KLHL32: variants seen among roughly 807,000 people sequenced by gnomAD.
KLHL32 encodes the protein kelch-like protein 32.
Under a neutral mutation model 64.8 loss-of-function variants are expected in KLHL32, and 35 were observed. That is an observed-to-expected ratio of 0.54 (90% CI 0.41 to 0.72). The LOEUF (loss-of-function observed/expected upper bound fraction) is 0.72, where lower values mean the gene tolerates loss of function less well. Ranked by LOEUF, KLHL32 falls within the 30% of genes least tolerant of loss-of-function variation. KLHL32 has a pLI of 0.00. For synonymous variants in KLHL32, 259 were observed against 281.0 expected (o/e 0.92, Z 0.78); for missense variants, 589 against 768.5 (o/e 0.77, Z 2.76).
At chr6:97,067,540 C>T (rs150034938) in intron 5 of KLHL32, among the ~76,000 whole-genome samples, 1 of 152,044 alleles carries the variant, frequency 6.6e-6, no homozygotes, top group African/African-American at 2.4e-5. Flanking sequence ...CTGTGGTAAC[C>T]CATGGCCCCC....
intron 9 of KLHL32, among the ~76,000 whole-genome samples, chr6:97,131,917 G>C (rs1268240938): frequency 1.3e-5 from 2 of 152,118 alleles, no homozygotes; most frequent in African/African-American, 4.8e-5. Context: ...GTAAGATCCA[G>C]CTTATTTATT....
At position 97,014,226 on chromosome 6, in the gene KLHL32, C is replaced by T. The variant is rs559957431; in HGVS notation, c.205-27266C>T. On this transcript the variant is annotated intron_variant, in intron 3 of 10. Coordinates refer to ENST00000369261, the MANE Select transcript of KLHL32 (RefSeq NM_052904.4). ...AGGAGAATGGCGTGAACCCGGGAGGCGGAGCTTGCAGTGAGCCGAAATCGC... is the reference window on the plus strand; with the variant it reads ...AGGAGAATGGCGTGAACCCGGGAGGTGGAGCTTGCAGTGAGCCGAAATCGC... Among the ~76,000 whole-genome samples, 230 of 150,578 alleles carry T rather than the reference C, an allele frequency of 1.5e-3. 3 individuals are homozygous for T. Among genetic ancestry groups the T allele is most frequent in the African/African-American group, 5.5e-3 (224 of 40,980 alleles).
intron 10 of KLHL32, among the ~76,000 whole-genome samples, chr6:97,134,010 A>T (rs1799719577): frequency 6.6e-6 from 1 of 152,142 alleles, no homozygotes. Flanking sequence ...TTAACAAAAA[A>T]AAACCCCTAC....
chr6:97,036,794 G>A (rs1192420678), intron 3 of KLHL32, among the ~76,000 whole-genome samples: 1 of 152,196 alleles, frequency 6.6e-6, no homozygotes, highest in African/African-American at 2.4e-5. Context: ...GTGCCAGAGT[G>A]GCCCCCTCCA....
intron 3 of KLHL32, among the ~76,000 whole-genome samples, chr6:97,023,289 C>T (rs1338413362): frequency 6.6e-6 from 1 of 152,106 alleles, no homozygotes; most frequent in African/African-American, 2.4e-5. Context: ...GATCTTTCCC[C>T]TCTGGGGTTT....
At chr6:97,129,277 T>G (rs909202062) in intron 8 of KLHL32, among the ~76,000 whole-genome samples, 2 of 152,226 alleles carry the variant, frequency 1.3e-5, no homozygotes, top group Non-Finnish European at 2.9e-5. Context: ...ATTCTATGTA[T>G]TCAAAACATC....
intron 5 of KLHL32, among the ~76,000 whole-genome samples, chr6:97,072,790 A>G (rs1043046108): frequency 6.6e-6 from 1 of 152,140 alleles, no homozygotes; most frequent in Admixed American, 6.5e-5. Flanking sequence ...AGTTGGAATT[A>G]TATCTTCCTC....
chr6:96,990,006 T>A (rs1001150118), intron 3 of KLHL32, among the ~76,000 whole-genome samples: 1 of 152,226 alleles, frequency 6.6e-6, no homozygotes, highest in Non-Finnish European at 1.5e-5. Flanking sequence ...ATTGTAATCC[T>A]TGGATTCCTT....
At chr6:96,937,647 A>G (rs114411684) in intron 1 of KLHL32, among the ~76,000 whole-genome samples, 1 of 152,110 alleles carries the variant, frequency 6.6e-6, no homozygotes, top group African/African-American at 2.4e-5. Flanking sequence ...CATGGAATCA[A>G]TGTGTACTCC....
At chr6:97,021,451 A>G (rs1279985172) in intron 3 of KLHL32, among the ~76,000 whole-genome samples, 1 of 150,890 alleles carries the variant, frequency 6.6e-6, no homozygotes, top group Non-Finnish European at 1.5e-5. Flanking sequence ...ATGTCCTAGC[A>G]TGAAGACAGT....
At chr6:97,135,299 ATTTTTTTTTT>A (rs747635380) in intron 10 of KLHL32, among the ~76,000 whole-genome samples, 5 of 109,570 alleles carry the variant, frequency 4.6e-5, no homozygotes, top group African/African-American at 7.7e-5. Context: ...AAATTTGTTA[ATTTTTTTTTT>A]TTTTTTTTTT....
At chr6:97,134,088 C>A (rs944993948) in intron 10 of KLHL32, among the ~76,000 whole-genome samples, 4 of 151,594 alleles carry the variant, frequency 2.6e-5, no homozygotes, top group Non-Finnish European at 4.4e-5. Context: ...TAATGGAACT[C>A]AAAAAAATTC....
intron 1 of KLHL32, among the ~76,000 whole-genome samples, chr6:96,943,036 TAC>T (rs113696398): frequency 0.036 from 5,301 of 146,020 alleles, 163 homozygotes; most frequent in African/African-American, 0.083. Flanking sequence ...ATGCTCCCTC[TAC>T]ACACACACAC....
At chr6:96,936,377 A>G (rs1250744650) in intron 1 of KLHL32, among the ~76,000 whole-genome samples, 1 of 152,212 alleles carries the variant, frequency 6.6e-6, no homozygotes. Flanking sequence ...CACATAGAAC[A>G]TAGTAGCATA....
rs572257945 is a variant in KLHL32, at chr6:97,023,016, C to T, written c.205-18476C>T. On this transcript the variant is annotated intron_variant, in intron 3 of 10. Transcript: ENST00000369261. ...TGCCACTTATAAAACCATCAGATAT[C>T]ATGAGAACTCACTGACTGTCATGAG... Among the ~76,000 whole-genome samples the T allele has an allele frequency of 1.9e-4, 29 of 152,272 alleles. 1 individual carries two copies. In the South Asian group the frequency reaches 5.8e-3, roughly 30 times the overall value.
At chr6:97,109,783 G>A (rs1796875977) in intron 6 of KLHL32, among the ~76,000 whole-genome samples, 1 of 152,318 alleles carries the variant, frequency 6.6e-6, no homozygotes, top group African/African-American at 2.4e-5. Flanking sequence ...AATGTCTCTA[G>A]TGCTGTTTCC....
the KLHL32 span, among the ~76,000 whole-genome samples, chr6:96,912,986 TTTG>T: frequency 1.4e-3 from 216 of 152,356 alleles, 1 homozygote; most frequent in Admixed American, 2.9e-3. Context: ...CTCGCAATTT[TTTG>T]TTGTCTGAAT....
intron 3 of KLHL32, among the ~76,000 whole-genome samples, chr6:97,001,335 A>G (rs1779007708): frequency 6.6e-6 from 1 of 152,208 alleles, no homozygotes; most frequent in Admixed American, 6.5e-5. Flanking sequence ...ACTGGTCTAA[A>G]ACATACATTT....
At chr6:97,101,606 C>A (rs1236151055) in intron 6 of KLHL32, among the ~76,000 whole-genome samples, 1 of 152,188 alleles carries the variant, frequency 6.6e-6, no homozygotes, top group African/African-American at 2.4e-5. Context: ...CTGTCTCTCC[C>A]TTTTCATTCA....
Sources: allele counts gnomAD v4.1 joint callset (sites outside exome capture counted in the v4.1 genomes callset), GRCh38; gene constraint gnomAD v4.1.1; transcripts MANE v1.5; gene names NCBI Gene and HGNC (gene_info 2026-07-23, HGNC 2026-07-21).